The following ADGRL1 variants were observed in gnomAD, a reference collection of about 807,000 sequenced individuals.
ADGRL1 encodes the protein adhesion G protein-coupled receptor L1, also known as CIRL-1.
A neutral mutation model predicts 148.9 loss-of-function variants in ADGRL1; 31 were observed. That is an observed-to-expected ratio of 0.21 (90% confidence interval 0.16 to 0.28). The LOEUF is 0.28. ADGRL1 is among the 10% of genes least tolerant of loss of function. The pLI is 1.00. For synonymous variants in ADGRL1, 937 were observed against 900.3 expected, an observed-to-expected ratio of 1.04 and a Z score of -0.73; for missense variants, 1,521 against 2,058.8, an observed-to-expected ratio of 0.74 and a Z score of 5.05.
At chr19:14,164,411 AACCACCTGGGAAG>A (rs1469150873) in intron 4 of ADGRL1, among the ~76,000 whole-genome samples, 1 of 152,058 alleles carries the variant, frequency 6.6e-6, no homozygotes, top group Non-Finnish European at 1.5e-5. Context: ...CTGCGCTGCA[AACCACCTGGGAAG>A]AAAGGGTTAG....
At chr19:14,166,877 AC>A (rs1360686153) in intron 4 of ADGRL1, 3 of 883,304 alleles carry the variant, frequency 3.4e-6, no homozygotes, top group Non-Finnish European at 5.6e-6. Context: ...TGGGAGGACA[AC>A]CCAGGGTGGG....
At chr19:14,191,898 A>C (rs1231814351) in intron 1 of ADGRL1, among the ~76,000 whole-genome samples, 1 of 151,794 alleles carries the variant, frequency 6.6e-6, no homozygotes, top group African/African-American at 2.4e-5. Flanking sequence ...GGGTCTCGCT[A>C]TGTCGCCCAG....
At chr19:14,163,465 G>GGAGAGAGAGAGAGAGA (rs71170599) in intron 4 of ADGRL1, 59 bp from the exon 5 acceptor site, 224 of 702,236 alleles carry the variant, frequency 3.2e-4, no homozygotes, top group African/African-American at 2.1e-3. Flanking sequence ...GCGAGAGGGA[G>GGAGAGAGAGAGAGAGA]GAGAGAGAGA....
intron 2 of ADGRL1, among the ~76,000 whole-genome samples, chr19:14,179,627 C>A (rs1003693114): frequency 6.6e-6 from 1 of 151,204 alleles, no homozygotes; most frequent in Non-Finnish European, 1.5e-5. Context: ...ATGGTCTAGG[C>A]CGGGCTCGGT....
chr19:14,186,998 G>A (rs1229456519), intron 1 of ADGRL1, among the ~76,000 whole-genome samples: 1 of 152,160 alleles, frequency 6.6e-6, no homozygotes, highest in Non-Finnish European at 1.5e-5. Context: ...GTGAGCACCT[G>A]AAATTACCTT....
rs778893428 is a variant in ADGRL1, at chr19:14,150,971, C to T, written c.4312G>A (p.Val1438Met). The T allele has an allele frequency of 6.2e-7, 1 of 1,602,398 alleles. No individual in the cohort carries two copies. The highest frequency in any genetic ancestry group is 8.5e-7 in the Non-Finnish European group (1 of 1,175,476). The change falls in exon 23 of 23, where the codon GTG (valine) becomes ATG (methionine). Residue 1438 changes from valine (V) to methionine (M), a missense_variant. Val to Met is a conservative substitution (Grantham distance 21). This residue lies in a region of ADGRL1 where 390 missense variants were observed against 375.0 expected (regional missense o/e 1.04). Coordinates refer to ENST00000361434, the MANE Select transcript of ADGRL1 (RefSeq NM_014921.5). ...TAGCCCTCGTGGCTAGGACGCCGCA[C>T]CTGGTAGTAGCCCTGCAGGGGATTC... Reference protein sequence around the residue: ...ARNPLQGYYQVRRPSHEGYLA... With the variant: ...ARNPLQGYYQMRRPSHEGYLA...
At position 14,161,217 on chromosome 19, in the gene ADGRL1, C is replaced by T. The variant is rs1244844590; in HGVS notation, c.1510+95G>A. 8.0e-7 allele frequency: 1 copy of T among 1,245,060 alleles called. No homozygotes were observed. 77.1% of individuals were successfully genotyped at this position (1,245,060 alleles called of 1,614,324 possible). ...GACCCCTGCCCTCAGAAAACCTCTG[C>T]TCCGCAGTAGAGACCCCCACCCACA... On this transcript the variant is annotated intron_variant, in intron 6 of 22. Coordinates refer to ENST00000361434, the MANE Select transcript of ADGRL1 (RefSeq NM_014921.5). The surrounding 1 kb of genome is among the most constrained non-coding windows in gnomAD (Gnocchi z 4.4).
Position 14,161,912 on chromosome 19 carries a change from T to TG in ADGRL1, c.1196-287dup, listed in dbSNP as rs943481831. Among the ~76,000 whole-genome samples the TG allele has an allele frequency of 8.5e-5, 13 of 152,216 alleles. No individual in the cohort carries two copies. The highest frequency in any genetic ancestry group is 2.9e-4 in the African/African-American group (12 of 41,536). ...GGGGAGAGGCAGGGACAGAGGTGTCTGGGGGACAGGAATCCTCCCAGGTTG... is the reference window on the plus strand; with the variant it reads ...GGGGAGAGGCAGGGACAGAGGTGTCTGGGGGGACAGGAATCCTCCCAGGTTG... On this transcript the variant is annotated intron_variant, in intron 5 of 22. Coordinates refer to ENST00000361434, the MANE Select transcript of ADGRL1 (RefSeq NM_014921.5). The surrounding 1 kb of genome is among the most constrained non-coding windows in gnomAD (Gnocchi z 4.4).
intron 3 of ADGRL1, among the ~76,000 whole-genome samples, chr19:14,172,191 G>C (rs1026442610): frequency 1.3e-5 from 2 of 152,206 alleles, no homozygotes; most frequent in African/African-American, 4.8e-5. Flanking sequence ...GGAGGCCAAG[G>C]CGGGTGGATC....
At chr19:14,199,286 C>CT (rs1972455231) in intron 1 of ADGRL1, among the ~76,000 whole-genome samples, 3 of 152,162 alleles carry the variant, frequency 2.0e-5, no homozygotes, top group African/African-American at 7.2e-5. Flanking sequence ...TTCCACACAT[C>CT]TTTTTTGGAG....
chr19:14,159,663 C>T lies in ADGRL1; in HGVS notation c.1839+72G>A, dbSNP rs1414441695. The T allele has an allele frequency of 6.2e-7, 1 of 1,600,234 alleles. No homozygotes were observed. The highest frequency in any genetic ancestry group is 8.6e-7 in the Non-Finnish European group (1 of 1,168,526). On this transcript the variant is annotated intron_variant, in intron 9 of 22. Transcript: ENST00000361434. The surrounding 1 kb of genome is among the most constrained non-coding windows in gnomAD (Gnocchi z 6.0). The stretch of plus-strand genomic sequence containing the variant: ...GGGGGTGGGCTCTGCATGCCCTCTT[C>T]TCAACCTCCACCCCTAATCCCCCCA...
chr19:14,161,216 G>GC lies in ADGRL1; in HGVS notation c.1510+95dup. The GC allele has an allele frequency of 8.1e-7, 1 of 1,234,586 alleles. No individual in the cohort carries two copies. The highest frequency in any genetic ancestry group is 1.6e-5 in the African/African-American group (1 of 64,304). The allele number at this position is 1,234,586 out of a possible 1,614,324, so 76.5% of individuals were successfully genotyped here. A position where few individuals can be genotyped will look rare whatever the true frequency, so the allele number is the denominator to read the frequency against. Reference sequence around the variant, plus strand: ...TGACCCCTGCCCTCAGAAAACCTCTGCTCCGCAGTAGAGACCCCCACCCAC... The same window carrying GC: ...TGACCCCTGCCCTCAGAAAACCTCTGCCTCCGCAGTAGAGACCCCCACCCAC... On this transcript the variant is annotated intron_variant, in intron 6 of 22. Transcript: ENST00000361434. The surrounding 1 kb of genome is among the most constrained non-coding windows in gnomAD (Gnocchi z 4.4).
Position 14,161,224 on chromosome 19 carries a change from G to T in ADGRL1, c.1510+88C>A. 1 of 1,302,726 alleles carries T rather than the reference G, an allele frequency of 7.7e-7. No homozygotes were observed. The highest frequency in any genetic ancestry group is 1.0e-6 in the Non-Finnish European group (1 of 980,382). 80.7% of individuals were successfully genotyped at this position (1,302,726 alleles called of 1,614,324 possible). ...GCCCTCAGAAAACCTCTGCTCCGCAGTAGAGACCCCCACCCACACATGCAT... is the reference window on the plus strand; with the variant it reads ...GCCCTCAGAAAACCTCTGCTCCGCATTAGAGACCCCCACCCACACATGCAT... On this transcript the variant is annotated intron_variant, in intron 6 of 22. Coordinates refer to ENST00000361434, the MANE Select transcript of ADGRL1 (RefSeq NM_014921.5). This position sits in a 1 kb window ranked among gnomAD's most constrained non-coding sequence, Gnocchi z 4.4.
chr19:14,152,330 G>T lies in ADGRL1; in HGVS notation c.3628C>A (p.Pro1210Thr), dbSNP rs1186143807. 3 of 1,597,642 alleles carry T rather than the reference G, an allele frequency of 1.9e-6. No homozygotes were observed. Among genetic ancestry groups the T allele is most frequent in the Non-Finnish European group, 2.6e-6 (3 of 1,170,124 alleles). Residue 1210 changes from proline (P) to threonine (T), a missense_variant, in exon 21 of 23, where the codon CCC becomes ACC. By Grantham distance (38) the Pro-to-Thr change is conservative. Around this residue, in one of 8 missense-constraint regions of ADGRL1, gnomAD observed 390 missense variants for 375.0 expected, o/e 1.04. Coordinates refer to ENST00000361434, the MANE Select transcript of ADGRL1 (RefSeq NM_014921.5). This position sits in a 1 kb window ranked among gnomAD's most constrained non-coding sequence, Gnocchi z 6.1. ...AESVGFNPSS[P>T]PVFNSPGSYR... ...TCACCTGGGGAGTTGAAGACAGGGG[G>T]CGAGGAGGGATTGAAGCCCACTGAC...
chr19:14,159,468 C>T lies in ADGRL1; in HGVS notation c.1956G>A (p.Glu652=). ...CATTGTCGGCCAGCAGGAAGGCGCCCTCCTCCAGGACGTCGAGGAGCATGG... is the reference window on the plus strand; with the variant it reads ...CATTGTCGGCCAGCAGGAAGGCGCCTTCCTCCAGGACGTCGAGGAGCATGG... The part of the protein sequence containing the change: ...TATMLLDVLE[E]GAFLLADNVR... The change falls in exon 10 of 23, where the codon GAG becomes GAA. Residue 652 remains glutamate, a synonymous_variant. Coordinates refer to ENST00000361434, the MANE Select transcript of ADGRL1 (RefSeq NM_014921.5). This position sits in a 1 kb window ranked among gnomAD's most constrained non-coding sequence, Gnocchi z 6.0. The T allele has an allele frequency of 6.2e-7, 1 of 1,613,436 alleles. No individual in the cohort carries two copies. The highest frequency in any genetic ancestry group is 8.5e-7 in the Non-Finnish European group (1 of 1,179,798).
chr19:14,201,318 G>A (rs1965764), intron 1 of ADGRL1, among the ~76,000 whole-genome samples: 21,429 of 117,178 alleles, frequency 0.18, 2,410 homozygotes, highest in Non-Finnish European at 0.25. Flanking sequence ...TTTTTTTGGC[G>A]GGGTGGGGGG....
At chr19:14,179,846 G>T (rs1971070819) in intron 2 of ADGRL1, among the ~76,000 whole-genome samples, 1 of 152,060 alleles carries the variant, frequency 6.6e-6, no homozygotes, top group African/African-American at 2.4e-5. Flanking sequence ...GGAGGCGGAG[G>T]TTGCAGTGAT....
intron 4 of ADGRL1, 73 bp from the exon 5 acceptor site, chr19:14,163,479 AGAG>A: frequency 9.3e-7 from 1 of 1,078,590 alleles, no homozygotes; most frequent in Non-Finnish European, 1.3e-6. Flanking sequence ...AGAGAGAGAG[AGAG>A]AGAGAGAGAG....
At chr19:14,202,487 A>C (rs1972678512) in intron 1 of ADGRL1, among the ~76,000 whole-genome samples, 2 of 152,186 alleles carry the variant, frequency 1.3e-5, no homozygotes, top group East Asian at 3.9e-4. Context: ...CCCTGACCTC[A>C]GGTGATCCAC....
Sources: gnomAD v4.1 joint callset for allele counts (sites outside exome capture counted in the v4.1 genomes callset) on GRCh38, gnomAD v4.1.1 for gene constraint, gnomAD v4.1.1 regional missense constraint, Gnocchi (gnomAD v3.1) non-coding constraint, MANE v1.5 for transcripts, NCBI Gene and HGNC (gene_info 2026-07-23, HGNC 2026-07-21) for gene names.